ODAD4: variants seen among roughly 807,000 people sequenced by gnomAD.
The protein encoded by ODAD4 is outer dynein arm-docking complex subunit 4.
Under a neutral mutation model 51.8 loss-of-function variants are expected in ODAD4, and 49 were observed. The ratio of observed to expected loss-of-function variants is 0.95; its 90% confidence interval spans 0.75 to 1.20. The LOEUF is 1.20. ODAD4 is among the 50% of genes most tolerant of loss of function. The pLI, the probability that ODAD4 is intolerant of heterozygous loss-of-function variation, is 0.00. For synonymous variants in ODAD4, 235 were observed against 221.3 expected, an observed-to-expected ratio of 1.06 and a Z score of -0.55; for missense variants, 590 against 586.5, an observed-to-expected ratio of 1.01 and a Z score of -0.06.
chr17:41,944,350 C>T (rs938434706), intron 7 of ODAD4, among the ~76,000 whole-genome samples: 11 of 147,932 alleles, frequency 7.4e-5, no homozygotes, highest in African/African-American at 1.8e-4. Context: ...GGTGACACAG[C>T]GAGACTCTGT....
At chr17:41,945,295 C>A in intron 8 of ODAD4, 73 bp downstream of exon 8, 1 of 1,209,432 alleles carries the variant, frequency 8.3e-7, no homozygotes. Flanking sequence ...AAATTTGTTT[C>A]CGGTAATAAG....
intron 11 of ODAD4, among the ~76,000 whole-genome samples, chr17:41,963,555 G>A (rs782347462): frequency 2.0e-5 from 3 of 152,124 alleles, no homozygotes; most frequent in Non-Finnish European, 4.4e-5. Context: ...AGGGAAAAGA[G>A]GTGTTCTGGG....
chr17:41,962,625 GACT>G, intron 11 of ODAD4, among the ~76,000 whole-genome samples: 1 of 152,242 alleles, frequency 6.6e-6, no homozygotes, highest in Non-Finnish European at 1.5e-5. Flanking sequence ...TTATTAGCTT[GACT>G]TTATGGAGGA....
In ODAD4 at chr17:41,935,682, G is replaced by A; in HGVS notation, c.330G>A (p.Leu110=). The change falls in exon 3 of 12, where the codon CTG becomes CTA. Residue 110 remains leucine (L), a synonymous_variant. Coordinates refer to ENST00000377540, the MANE Select transcript of ODAD4 (RefSeq NM_031421.5). Reference sequence around the variant, plus strand: ...TATTCTATCATCGAGGCTACAAGCTGAGGCCTGATCGGGAATTCAGAGTTG... The same window carrying A: ...TATTCTATCATCGAGGCTACAAGCTAAGGCCTGATCGGGAATTCAGAGTTG... ...ALVFYHRGYK[L]RPDREFRVGI... 1 of 1,613,910 alleles carries A rather than the reference G, an allele frequency of 6.2e-7. No homozygotes were observed. Among genetic ancestry groups the A allele is most frequent in the Non-Finnish European group, 8.5e-7 (1 of 1,179,836 alleles).
intron 7 of ODAD4, among the ~76,000 whole-genome samples, chr17:41,944,869 A>C (rs782627377): frequency 2.0e-5 from 3 of 152,204 alleles, no homozygotes; most frequent in Middle Eastern, 3.4e-3. Flanking sequence ...TATCTTTTTG[A>C]GGTAGATTCC....
chr17:41,951,395 A>G (rs1226015507), intron 9 of ODAD4, among the ~76,000 whole-genome samples: 1 of 151,180 alleles, frequency 6.6e-6, no homozygotes, highest in African/African-American at 2.4e-5. Flanking sequence ...AACTCTGTAA[A>G]TTTTCTCAAA....
At chr17:41,939,837 G>C (rs2050482405) in intron 7 of ODAD4, among the ~76,000 whole-genome samples, 1 of 152,152 alleles carries the variant, frequency 6.6e-6, no homozygotes, top group African/African-American at 2.4e-5. Context: ...GGCAGACCTA[G>C]GCTGTGGAAC....
At chr17:41,944,236 G>A (rs189764680) in intron 7 of ODAD4, among the ~76,000 whole-genome samples, 2 of 151,644 alleles carry the variant, frequency 1.3e-5, no homozygotes, top group Admixed American at 1.3e-4. Flanking sequence ...GTGGTGGCAT[G>A]TGCCTGGAGT....
At chr17:41,962,265 G>A (rs1435214487) in intron 11 of ODAD4, among the ~76,000 whole-genome samples, 3 of 152,222 alleles carry the variant, frequency 2.0e-5, no homozygotes, top group African/African-American at 4.8e-5. Context: ...CACCTGCGGC[G>A]CTGCTCTCGG....
chr17:41,938,929 T>C (rs1555638288), intron 6 of ODAD4, 36 bp from the exon 7 acceptor site: 1 of 1,594,008 alleles, frequency 6.3e-7, no homozygotes, highest in South Asian at 1.1e-5. Context: ...AAGAGGAGGC[T>C]GCCCTGGCCT....
At chr17:41,944,435 CA>C (rs1567933073) in intron 7 of ODAD4, among the ~76,000 whole-genome samples, 47 of 4,482 alleles carry the variant, frequency 0.01, 1 homozygote, top group East Asian at 0.04. Flanking sequence ...CACACACACA[CA>C]CACACACACC....
At position 41,965,075 on chromosome 17, in the gene ODAD4, G is replaced by A; in HGVS notation, c.1611G>A (p.Lys537=). 1 of 762,934 alleles carries A rather than the reference G, an allele frequency of 1.3e-6. No individual in the cohort carries two copies. The highest frequency in any genetic ancestry group is 2.4e-6 in the Non-Finnish European group (1 of 409,610). The allele number at this position is 762,934 out of a possible 1,614,324, so 47.3% of individuals were successfully genotyped here. A position where few individuals can be genotyped will look rare whatever the true frequency, so the allele number is the denominator to read the frequency against. Residue 537 remains lysine (K), a synonymous_variant, in exon 12 of 12, where the codon AAG becomes AAA. Transcript: ENST00000377540. ...GAGATGAGCCCGAGAAGGTGGTGAA[G>A]CAGTGGGACCATAGTGAGGATGAGA... ...RVRDEPEKVV[K]QWDHSEDEKE...
chr17:41,948,425 C>T (rs2050615006), intron 8 of ODAD4, among the ~76,000 whole-genome samples: 1 of 151,350 alleles, frequency 6.6e-6, no homozygotes, highest in Non-Finnish European at 1.5e-5. Context: ...TAAGCGATCC[C>T]CCTACCTTAG....
intron 7 of ODAD4, among the ~76,000 whole-genome samples, chr17:41,943,123 C>G (rs1567932289): frequency 6.6e-6 from 1 of 152,118 alleles, no homozygotes; most frequent in Non-Finnish European, 1.5e-5. Context: ...CCCCCGCAAC[C>G]CACTTCCCGT....
chr17:41,941,689 G>C (rs1555638725), intron 7 of ODAD4, among the ~76,000 whole-genome samples: 1 of 151,536 alleles, frequency 6.6e-6, no homozygotes, highest in African/African-American at 2.4e-5. Context: ...GCTGAGGCAG[G>C]AGAATGGCGT....
At chr17:41,949,931 C>T (rs1014964543) in intron 9 of ODAD4, among the ~76,000 whole-genome samples, 44 of 152,190 alleles carry the variant, frequency 2.9e-4, no homozygotes, top group African/African-American at 1.1e-3. Context: ...GCCTCGGCCT[C>T]CCAAAGTGCT....
chr17:41,942,775 A>T (rs2144505355), intron 7 of ODAD4, among the ~76,000 whole-genome samples: 1 of 152,344 alleles, frequency 6.6e-6, no homozygotes, highest in East Asian at 1.9e-4. Context: ...CAGGGCCTGC[A>T]GGCAGTGGGA....
Position 41,930,648 on chromosome 17 carries a change from G to T in ODAD4, c.-76G>T. 1 of 953,952 alleles carries T rather than the reference G, an allele frequency of 1.0e-6. No individual in the cohort carries two copies. Among genetic ancestry groups the T allele is most frequent in the Non-Finnish European group, 1.6e-6 (1 of 614,598 alleles). 59.1% of individuals were successfully genotyped at this position (953,952 alleles called of 1,614,324 possible). On this transcript the variant is annotated 5_prime_UTR_variant, in exon 1 of 12. Transcript: ENST00000377540. ...CATCTCATGGTTGCTAAGAAACGGA[G>T]CTTCCACAAACCAGATAGAGGTTCT...
chr17:41,948,558 C>G (rs2050616613), intron 8 of ODAD4, among the ~76,000 whole-genome samples: 1 of 151,934 alleles, frequency 6.6e-6, no homozygotes, highest in South Asian at 2.1e-4. Flanking sequence ...GCAATCCACC[C>G]ACGTTGGCTT....
Sources: gnomAD v4.1 joint callset for allele counts (sites outside exome capture counted in the v4.1 genomes callset) on GRCh38, gnomAD v4.1.1 for gene constraint, MANE v1.5 for transcripts, NCBI Gene and HGNC (gene_info 2026-07-23, HGNC 2026-07-21) for gene names.